Variants in ABHD12 observed in about 807,000 individuals in gnomAD.
The protein encoded by ABHD12 is abhydrolase domain containing 12, lysophospholipase, also known as lysophosphatidylserine lipase ABHD12.
Under a neutral mutation model 58.3 loss-of-function variants are expected in ABHD12, and 43 were observed. That is an observed-to-expected ratio of 0.74 (90% CI 0.58 to 0.95). The LOEUF (loss-of-function observed/expected upper bound fraction) is 0.95. ABHD12 is among the 40% of genes least tolerant of loss of function. The pLI, the probability that ABHD12 is intolerant of heterozygous loss-of-function variation, is 0.00. For synonymous variants in ABHD12, 219 were observed against 211.2 expected (o/e 1.04, Z -0.32); for missense variants, 539 against 537.2 (o/e 1.00, Z -0.03).
At chr20:25,300,956 T>C in intron 12 of ABHD12, 72 bp from the exon 13 acceptor site, 2 of 1,498,954 alleles carry the variant, frequency 1.3e-6, no homozygotes, top group South Asian at 2.3e-5. Flanking sequence ...GTCCTCACAC[T>C]GCTATCTAAG....
At position 25,323,410 on chromosome 20, in the gene ABHD12, C is replaced by CAAA. The variant is rs749421711; in HGVS notation, c.336_337insTTT (p.Ile112_Asp113insPhe). On this transcript the variant is annotated inframe_insertion, in exon 3 of 13. Coordinates refer to ENST00000339157, the MANE Select transcript of ABHD12 (RefSeq NM_001042472.3). Reference sequence around the variant, plus strand: ...CCTTGATCCTGTGGTTTTTTCAAATCAATGAAATAGGGAACTCTTACTGTA... The same window carrying CAAA: ...CCTTGATCCTGTGGTTTTTTCAAATCAAAAATGAAATAGGGAACTCTTACTGTA... 3.7e-6 allele frequency: 6 copies of CAAA among 1,610,970 alleles called. No individual in the cohort carries two copies. The highest frequency in any genetic ancestry group is 5.1e-6 in the Non-Finnish European group (6 of 1,177,292).
At chr20:25,303,754 CT>C in intron 10 of ABHD12, 126 bp from the exon 11 acceptor site, 1 of 1,335,464 alleles carries the variant, frequency 7.5e-7, no homozygotes. Flanking sequence ...TGCTGGATTT[CT>C]TTTTACTAGA....
intron 1 of ABHD12, 39 bp downstream of exon 1, chr20:25,390,474 C>CGGGGGGGG: frequency 9.3e-7 from 1 of 1,079,070 alleles, no homozygotes; most frequent in Non-Finnish European, 1.1e-6. Flanking sequence ...AAGTGAGGGA[C>CGGGGGGGG]CGGCCCCCCC....
At chr20:25,353,448 C>CA (rs1165013734) in intron 1 of ABHD12, among the ~76,000 whole-genome samples, 1 of 152,072 alleles carries the variant, frequency 6.6e-6, no homozygotes, top group African/African-American at 2.4e-5. Flanking sequence ...CTAACTCTTC[C>CA]AAAAGACAAT....
chr20:25,316,928 T>TCA (rs1418824825), intron 5 of ABHD12, 120 bp downstream of exon 5: 7 of 922,486 alleles, frequency 7.6e-6, no homozygotes, highest in Non-Finnish European at 1.2e-5. Flanking sequence ...GGACCCTGTC[T>TCA]CACACACACA....
intron 1 of ABHD12, among the ~76,000 whole-genome samples, chr20:25,353,527 C>T (rs2089629476): frequency 6.6e-6 from 1 of 152,018 alleles, no homozygotes. Context: ...AGATAAAGGC[C>T]CCAAAGGGAA....
At chr20:25,338,694 AT>A (rs980879203) in intron 2 of ABHD12, among the ~76,000 whole-genome samples, 1 of 152,196 alleles carries the variant, frequency 6.6e-6, no homozygotes, top group Non-Finnish European at 1.5e-5. Flanking sequence ...GTGTATCTGG[AT>A]TTTTTTAAGG....
At position 25,390,716 on chromosome 20, in the gene ABHD12, A is replaced by G; in HGVS notation, c.-13T>C. 7.4e-7 allele frequency: 1 copy of G among 1,352,904 alleles called. No homozygotes were observed. Among genetic ancestry groups the G allele is most frequent in the Non-Finnish European group, 9.5e-7 (1 of 1,052,060 alleles). 83.8% of individuals were successfully genotyped at this position (1,352,904 alleles called of 1,614,324 possible). On this transcript the variant is annotated 5_prime_UTR_variant, in exon 1 of 13. Transcript: ENST00000339157. ...TCCGCTTCCTCATCCCGCGGCCGACAGGGCCAGCCGCCGACGGCGCCCGCT... is the reference window on the plus strand; with the variant it reads ...TCCGCTTCCTCATCCCGCGGCCGACGGGGCCAGCCGCCGACGGCGCCCGCT...
intron 2 of ABHD12, among the ~76,000 whole-genome samples, chr20:25,335,954 T>C (rs188948126): frequency 5.5e-4 from 83 of 150,304 alleles, no homozygotes; most frequent in Admixed American, 1.5e-3. Flanking sequence ...ATTTAAAGTA[T>C]AATAATAATA....
At chr20:25,376,666 T>A (rs1463037222) in intron 1 of ABHD12, among the ~76,000 whole-genome samples, 1 of 152,242 alleles carries the variant, frequency 6.6e-6, no homozygotes, top group African/African-American at 2.4e-5. Flanking sequence ...TGTATACTTA[T>A]GTGCTATCTT....
At chr20:25,370,568 T>G (rs1457359788) in intron 1 of ABHD12, among the ~76,000 whole-genome samples, 2 of 152,184 alleles carry the variant, frequency 1.3e-5, no homozygotes, top group African/African-American at 4.8e-5. Flanking sequence ...TCAGGATGTA[T>G]AAGAGAGACA....
rs1311948459 is a variant in ABHD12 at position 25,390,476 on chromosome 20, GGCCCCCCC to G, written c.191+29_191+36del. 5.1e-5 allele frequency: 53 copies of G among 1,034,740 alleles called. 1 individual carries two copies. Among genetic ancestry groups the G allele is most frequent in the East Asian group, 3.9e-4 (2 of 5,186 alleles). The allele number at this position is 1,034,740 out of a possible 1,614,324, so 64.1% of individuals were successfully genotyped here. ...ACGCACCTGCGCAAAGTGAGGGACC[GGCCCCCCC>G]CCCCCCCCCGCTCCGCGCGAAGCCT... On this transcript the variant is annotated intron_variant, in intron 1 of 12. Coordinates refer to ENST00000339157, the MANE Select transcript of ABHD12 (RefSeq NM_001042472.3).
intron 1 of ABHD12, among the ~76,000 whole-genome samples, chr20:25,340,329 G>A (rs2089438983): frequency 6.6e-6 from 1 of 152,162 alleles, no homozygotes; most frequent in African/African-American, 2.4e-5. Flanking sequence ...TTTTAGTGAG[G>A]AGTGACATTA....
Position 25,390,165 on chromosome 20 carries a change from G to T in ABHD12, c.191+348C>A, listed in dbSNP as rs573894382. 2.4e-5 allele frequency: 5 copies of T among 210,176 alleles called. No homozygotes were observed. The East Asian group carries it at 5.7e-4, about 24-fold the overall frequency. 13.0% of individuals were successfully genotyped at this position (210,176 alleles called of 1,614,324 possible). A position where few individuals can be genotyped will look rare whatever the true frequency, so the allele number is the denominator to read the frequency against. ...CCCCTACCCTGCTCTCCCACGCGGGGTCATGACTTCGGGCGGCGCCAAGCC... is the reference window on the plus strand; with the variant it reads ...CCCCTACCCTGCTCTCCCACGCGGGTTCATGACTTCGGGCGGCGCCAAGCC... On this transcript the variant is annotated intron_variant, in intron 1 of 12. Coordinates refer to ENST00000339157, the MANE Select transcript of ABHD12 (RefSeq NM_001042472.3).
chr20:25,352,884 T>A (rs566794699), intron 1 of ABHD12, among the ~76,000 whole-genome samples: 3,236 of 150,182 alleles, frequency 0.022, 52 homozygotes, highest in Non-Finnish European at 0.034. Context: ...TGTCTTAATT[T>A]AAAAAAAAAA....
At chr20:25,377,336 G>A (rs2089973007) in intron 1 of ABHD12, among the ~76,000 whole-genome samples, 2 of 152,162 alleles carry the variant, frequency 1.3e-5, no homozygotes, top group African/African-American at 4.8e-5. Context: ...TCAAGCAAGA[G>A]GCTAAGAGAC....
chr20:25,379,569 A>T (rs941810922), intron 1 of ABHD12, among the ~76,000 whole-genome samples: 104 of 152,218 alleles, frequency 6.8e-4, no homozygotes, highest in African/African-American at 2.4e-3. Context: ...GCCCAGAGAC[A>T]TCACTGCACC....
intron 2 of ABHD12, among the ~76,000 whole-genome samples, chr20:25,335,161 T>C (rs1466401775): frequency 1.3e-5 from 2 of 152,068 alleles, no homozygotes; most frequent in Non-Finnish European, 2.9e-5. Context: ...GAACAGACAC[T>C]TCTCAAAAGA....
At chr20:25,334,126 C>G (rs1404787206) in intron 2 of ABHD12, among the ~76,000 whole-genome samples, 1 of 151,202 alleles carries the variant, frequency 6.6e-6, no homozygotes, top group Non-Finnish European at 1.5e-5. Flanking sequence ...GATACAAAAT[C>G]AATGTACAAA....
Sources: allele counts gnomAD v4.1 joint callset (sites outside exome capture counted in the v4.1 genomes callset), GRCh38; gene constraint gnomAD v4.1.1; transcripts MANE v1.5; gene names NCBI Gene and HGNC (gene_info 2026-07-23, HGNC 2026-07-21).